GLB1: variants seen among roughly 807,000 people sequenced by gnomAD.
The protein encoded by GLB1 is galactosidase beta 1.
GLB1 carries 56 observed loss-of-function variants against 74.0 expected under a neutral mutation model. The ratio of observed to expected loss-of-function variants is 0.76; its 90% CI spans 0.61 to 0.94. The LOEUF (loss-of-function observed/expected upper bound fraction) is 0.94, where lower values mean the gene tolerates loss of function less well. GLB1 is among the 40% of genes least tolerant of loss of function. GLB1 has a pLI of 0.00. For synonymous variants in GLB1, 323 were observed against 323.6 expected (o/e 1.00, Z 0.02); for missense variants, 787 against 845.5 (o/e 0.93, Z 0.86).
the GLB1 span, among the ~76,000 whole-genome samples, chr3:32,980,817 G>A: frequency 5.3e-5 from 8 of 151,448 alleles, no homozygotes; most frequent in African/African-American, 7.3e-5. Context: ...AGGGCTAGGC[G>A]CAGTGGCTCA....
At chr3:33,058,564 T>G (rs1441123670) in intron 5 of GLB1, among the ~76,000 whole-genome samples, 14 of 151,966 alleles carry the variant, frequency 9.2e-5, no homozygotes, top group Admixed American at 9.2e-4. Context: ...AGAAAGTAGA[T>G]ACTTTAAACA....
chr3:32,980,737 T>C, the GLB1 span, among the ~76,000 whole-genome samples: 12 of 151,824 alleles, frequency 7.9e-5, no homozygotes, highest in African/African-American at 2.2e-4. Flanking sequence ...GCCAAGATCA[T>C]GCCACTGCAC....
At chr3:33,056,036 G>T (rs7619312) in intron 6 of GLB1, among the ~76,000 whole-genome samples, 146,593 of 151,138 alleles carry the variant, frequency 0.97, 71,245 homozygotes, top group East Asian at 1. Context: ...GAAACCAGCC[G>T]GGCCAACATG....
the GLB1 span, among the ~76,000 whole-genome samples, chr3:32,990,567 C>T: frequency 1.5e-4 from 23 of 152,224 alleles, no homozygotes; most frequent in Non-Finnish European, 2.9e-4. Flanking sequence ...AGAAGGGATA[C>T]ACCCTGAAAC....
chr3:33,039,624 C>T (rs1245960536), intron 10 of GLB1, among the ~76,000 whole-genome samples: 1 of 152,088 alleles, frequency 6.6e-6, no homozygotes, highest in Admixed American at 6.6e-5. Context: ...AGGAGATACA[C>T]AGAACACAGG....
intron 5 of GLB1, among the ~76,000 whole-genome samples, chr3:33,064,684 G>T (rs940228238): frequency 5.5e-5 from 8 of 146,022 alleles, no homozygotes; most frequent in Middle Eastern, 3.7e-3. Context: ...GGCTGAGGTG[G>T]GAGAATTGCC....
chr3:33,036,035 C>A (rs1698262462), intron 10 of GLB1, among the ~76,000 whole-genome samples: 1 of 152,076 alleles, frequency 6.6e-6, no homozygotes, highest in Non-Finnish European at 1.5e-5. Context: ...GAAGGAATGA[C>A]AAAGGGCAAA....
Position 33,011,808 on chromosome 3 carries a change from T to C in GLB1, c.1734+2248A>G, listed in dbSNP as rs543808238. ...CTATTAACATAATTTTCTCCTCTTC[T>C]TCAGAATTAAATTTCTCAAAAAGAA... On this transcript the variant is annotated intron_variant, in intron 15 of 15. Transcript: ENST00000307363. Among the ~76,000 whole-genome samples, 16 of 152,332 alleles carry C rather than the reference T, an allele frequency of 1.1e-4. 1 individual carries two copies. The South Asian group carries it at 3.3e-3, about 32-fold the overall frequency.
chr3:33,042,217 G>A (rs1265972838), intron 10 of GLB1, among the ~76,000 whole-genome samples: 1 of 151,964 alleles, frequency 6.6e-6, no homozygotes, highest in Non-Finnish European at 1.5e-5. Context: ...CACAGCAGCT[G>A]GAATCTGCTT....
Position 33,070,233 on chromosome 3 carries a change from T to C in GLB1, c.246-1263A>G, listed in dbSNP as rs529317402. Among the ~76,000 whole-genome samples the C allele has an allele frequency of 6.6e-5, 10 of 152,236 alleles. No individual in the cohort carries two copies. In the South Asian group the frequency reaches 2.1e-3, roughly 32 times the overall value. On this transcript the variant is annotated intron_variant, in intron 2 of 15. Coordinates refer to ENST00000307363, the MANE Select transcript of GLB1 (RefSeq NM_000404.4). ...TTCTGACATATGTCCATTATATACT[T>C]GTTTGTAAGTCAGGTTTTTAGCTTT... is the stretch of plus-strand genomic sequence containing the variant.
Position 33,096,745 on chromosome 3 carries a change from G to A in GLB1, c.75+266C>T, listed in dbSNP as rs1701047543. The A allele has an allele frequency of 1.1e-5, 14 of 1,304,492 alleles. No individual in the cohort carries two copies. The South Asian group carries it at 1.2e-4, about 11-fold the overall frequency. The allele number at this position is 1,304,492 out of a possible 1,614,324, so 80.8% of individuals were successfully genotyped here. A position where few individuals can be genotyped will look rare whatever the true frequency, so the allele number is the denominator to read the frequency against. ...TCGTCTCAACACCTCGTTACAGATGGGGAAGTGGATCCAAGCGCAAAGGGC... is the reference window on the plus strand; with the variant it reads ...TCGTCTCAACACCTCGTTACAGATGAGGAAGTGGATCCAAGCGCAAAGGGC... On this transcript the variant is annotated intron_variant, in intron 1 of 15. Coordinates refer to ENST00000307363, the MANE Select transcript of GLB1 (RefSeq NM_000404.4).
intron 14 of GLB1, among the ~76,000 whole-genome samples, chr3:33,016,267 A>G (rs951166409): frequency 1.3e-5 from 2 of 152,176 alleles, no homozygotes; most frequent in Non-Finnish European, 2.9e-5. Flanking sequence ...TTTCTATAGG[A>G]TGACCAAACT....
In GLB1 at chr3:33,067,105, C is replaced by A. The variant is rs190729856; in HGVS notation, c.457+1125G>T. Among the ~76,000 whole-genome samples, 341 of 151,160 alleles carry A rather than the reference C, an allele frequency of 2.3e-3. 7 individuals are homozygous for A. The South Asian group carries it at 0.042, about 19-fold the overall frequency. ...GCAACCTCTGCCTCCCAGCTTCAAG[C>A]AATTCTCCTGCCTCAGCCTCCCGAG... On this transcript the variant is annotated intron_variant, in intron 4 of 15. Transcript: ENST00000307363.
chr3:32,988,939 C>T, the GLB1 span, among the ~76,000 whole-genome samples: 4 of 144,728 alleles, frequency 2.8e-5, no homozygotes, highest in South Asian at 8.6e-4. Flanking sequence ...AGGTTTGGTT[C>T]CAGGTAATCA....
At chr3:33,049,974 T>A (rs1272173908) in intron 9 of GLB1, among the ~76,000 whole-genome samples, 1 of 152,188 alleles carries the variant, frequency 6.6e-6, no homozygotes, top group African/African-American at 2.4e-5. Flanking sequence ...GCTGATAGTA[T>A]CCAATTTCAG....
At chr3:33,081,190 G>T (rs1034076607) in intron 1 of GLB1, among the ~76,000 whole-genome samples, 1 of 152,176 alleles carries the variant, frequency 6.6e-6, no homozygotes, top group Admixed American at 6.5e-5. Flanking sequence ...GAATATCAGA[G>T]GCTTCTGTGG....
intron 10 of GLB1, among the ~76,000 whole-genome samples, chr3:33,044,966 T>A (rs1024735977): frequency 2.0e-5 from 3 of 152,184 alleles, no homozygotes; most frequent in African/African-American, 7.2e-5. Context: ...TTGCTCCAAA[T>A]AGAAAAATGA....
chr3:33,017,732 C>T (rs1331511841), intron 13 of GLB1, among the ~76,000 whole-genome samples: 2 of 152,148 alleles, frequency 1.3e-5, no homozygotes, highest in East Asian at 3.8e-4. Flanking sequence ...AGGATAAAGG[C>T]ACGAAGTTCA....
At chr3:33,092,564 T>A (rs578140443) in intron 1 of GLB1, 1 of 1,209,250 alleles carries the variant, frequency 8.3e-7, no homozygotes, top group Non-Finnish European at 1.0e-6. Context: ...TTCCACATCA[T>A]CTGGAAAATA....
Sources: gnomAD v4.1 joint callset for allele counts (sites outside exome capture counted in the v4.1 genomes callset) on GRCh38, gnomAD v4.1.1 for gene constraint, MANE v1.5 for transcripts, NCBI Gene and HGNC (gene_info 2026-07-23, HGNC 2026-07-21) for gene names.